Variants in SEC63 observed in about 807,000 individuals in gnomAD.
The protein encoded by SEC63 is SEC63 protein translocation regulator.
SEC63 carries 56 observed loss-of-function variants against 116.2 expected under a neutral mutation model. The ratio of observed to expected loss-of-function variants is 0.48; its 90% CI spans 0.39 to 0.60. SEC63 has a LOEUF of 0.60. Among genes scored for constraint, SEC63 ranks in the 20% least tolerant of loss-of-function variants. SEC63 has a pLI of 0.00. For missense variants in SEC63, 668 were observed against 900.0 expected, an observed-to-expected ratio of 0.74 and a Z score of 3.30; for synonymous variants, 273 against 294.6, an observed-to-expected ratio of 0.93 and a Z score of 0.75.
intron 16 of SEC63, among the ~76,000 whole-genome samples, chr6:107,883,828 AAAGTACTCCTTTGG>A (rs1786467402): frequency 6.6e-6 from 1 of 151,916 alleles, no homozygotes; most frequent in East Asian, 1.9e-4. Context: ...GAAATAAAGA[AAAGTACTCCTTTGG>A]AAGTACAGAA....
At chr6:107,911,782 C>T (rs1485395437) in intron 6 of SEC63, among the ~76,000 whole-genome samples, 4 of 152,200 alleles carry the variant, frequency 2.6e-5, no homozygotes, top group Non-Finnish European at 5.9e-5. Context: ...ATTTCTCTTC[C>T]AGTCAGGCAG....
At chr6:107,954,119 C>G (rs1230620440) in intron 1 of SEC63, among the ~76,000 whole-genome samples, 1 of 152,196 alleles carries the variant, frequency 6.6e-6, no homozygotes, top group Non-Finnish European at 1.5e-5. Flanking sequence ...TTGTTCTGTA[C>G]TAGGAAAAAT....
intron 1 of SEC63, 35 bp from the exon 2 acceptor site, chr6:107,929,549 C>T (rs1272450167): frequency 7.8e-7 from 1 of 1,281,794 alleles, no homozygotes; most frequent in Admixed American, 1.7e-5. Flanking sequence ...AATTAAAAAC[C>T]ATTTTTCACA....
chr6:107,901,164 T>C (rs1786991043), intron 13 of SEC63, among the ~76,000 whole-genome samples: 1 of 152,186 alleles, frequency 6.6e-6, no homozygotes, highest in African/African-American at 2.4e-5. Context: ...ATGAGGATAA[T>C]AAAAGTAGGA....
chr6:107,938,465 A>G (rs112367931), intron 1 of SEC63, among the ~76,000 whole-genome samples: 2,269 of 151,920 alleles, frequency 0.015, 22 homozygotes, highest in Middle Eastern at 0.027. Context: ...GGCTGGTTTC[A>G]AACTCCTGGG....
chr6:107,892,539 A>C (rs548518799), intron 16 of SEC63, among the ~76,000 whole-genome samples: 1 of 152,318 alleles, frequency 6.6e-6, no homozygotes, highest in African/African-American at 2.4e-5. Flanking sequence ...TCGATGAAAG[A>C]TGACCTCACT....
intron 13 of SEC63, 83 bp downstream of exon 13, chr6:107,901,287 T>A: frequency 7.7e-7 from 1 of 1,292,384 alleles, no homozygotes; most frequent in Non-Finnish European, 1.1e-6. Context: ...TTAAGTACAG[T>A]GTTTTGAGAA....
chr6:107,922,839 T>C (rs1245426602), intron 3 of SEC63, among the ~76,000 whole-genome samples: 1 of 152,160 alleles, frequency 6.6e-6, no homozygotes, highest in Non-Finnish European at 1.5e-5. Flanking sequence ...TTGTATTATA[T>C]GAATGTCTGG....
chr6:107,917,215 C>T (rs1787426265), intron 4 of SEC63, among the ~76,000 whole-genome samples: 1 of 152,228 alleles, frequency 6.6e-6, no homozygotes, highest in Non-Finnish European at 1.5e-5. Context: ...CCCATCCCTT[C>T]ATTTCCCATA....
chr6:107,944,865 C>A (rs1006350076), intron 1 of SEC63, among the ~76,000 whole-genome samples: 1 of 151,910 alleles, frequency 6.6e-6, no homozygotes, highest in African/African-American at 2.4e-5. Context: ...TGTACCTGTA[C>A]GGTCAAACAG....
In SEC63 at chr6:107,872,813, A is replaced by G. The variant is rs61733387; in HGVS notation, c.2134T>C (p.Leu712=). ...TGAAGAGTCACTATTCTTACCTTCA[A>G]TGGTTTAATCTGATCCAAACCCATA... ...SYMGLDQIKP[L]KLEVHEAKPV... is the part of the protein sequence containing the mutation. Residue 712 remains leucine, a synonymous_variant, in exon 20 of 21, where the codon TTG becomes CTG. Coordinates refer to ENST00000369002, the MANE Select transcript of SEC63 (RefSeq NM_007214.5). 507 of 1,523,302 alleles carry G rather than the reference A, an allele frequency of 3.3e-4. 3 individuals carry two copies. The African/African-American group carries it at 6.5e-3, about 20-fold the overall frequency. 94.4% of individuals were successfully genotyped at this position (1,523,302 alleles called of 1,614,324 possible).
intron 16 of SEC63, among the ~76,000 whole-genome samples, chr6:107,891,367 T>G (rs1786677258): frequency 6.6e-6 from 1 of 152,084 alleles, no homozygotes; most frequent in Non-Finnish European, 1.5e-5. Flanking sequence ...TGGCTATTGA[T>G]ACTTGTGTAT....
chr6:107,933,864 G>T (rs903771582), intron 1 of SEC63, among the ~76,000 whole-genome samples: 14 of 152,328 alleles, frequency 9.2e-5, no homozygotes, highest in Admixed American at 5.9e-4. Flanking sequence ...GCGATTGCAG[G>T]CGCGCGCCGC....
chr6:107,878,841 G>A (rs914936575), intron 18 of SEC63, among the ~76,000 whole-genome samples: 1 of 151,406 alleles, frequency 6.6e-6, no homozygotes, highest in Non-Finnish European at 1.5e-5. Context: ...GGCAACAAGA[G>A]CAAAATTCCA....
intron 17 of SEC63, 72 bp from the exon 18 acceptor site, chr6:107,881,322 A>G (rs1257779307): frequency 9.9e-6 from 10 of 1,012,364 alleles, no homozygotes; most frequent in Non-Finnish European, 1.5e-5. Flanking sequence ...TCCAGGTATT[A>G]TTCCTGACAA....
intron 18 of SEC63, among the ~76,000 whole-genome samples, chr6:107,877,963 C>T (rs1029636343): frequency 3.9e-5 from 6 of 151,998 alleles, no homozygotes; most frequent in Non-Finnish European, 7.4e-5. Flanking sequence ...CTGCTTAAAC[C>T]GAGGGTTAGG....
In SEC63 at chr6:107,871,253, AAG is replaced by A. The variant is rs1392073560; in HGVS notation, c.*449_*450del. ...CAAAATGTCAACAACAGAGCTTATCAAGAGATTATCAACTTGAGCGATGTTAC... is the reference window on the plus strand; with the variant it reads ...CAAAATGTCAACAACAGAGCTTATCAAGATTATCAACTTGAGCGATGTTAC... On this transcript the variant is annotated 3_prime_UTR_variant, in exon 21 of 21. Coordinates refer to ENST00000369002, the MANE Select transcript of SEC63 (RefSeq NM_007214.5). 2 of 182,636 alleles carry A rather than the reference AAG, an allele frequency of 1.1e-5. No individual in the cohort carries two copies. Among genetic ancestry groups the A allele is most frequent in the African/African-American group, 4.8e-5 (2 of 41,962 alleles). 11.3% of individuals were successfully genotyped at this position (182,636 alleles called of 1,614,324 possible).
intron 16 of SEC63, among the ~76,000 whole-genome samples, chr6:107,892,935 C>T (rs1039589299): frequency 6.6e-6 from 1 of 152,158 alleles, no homozygotes; most frequent in African/African-American, 2.4e-5. Flanking sequence ...CATGCACCTA[C>T]TTTATAATCT....
chr6:107,875,272 T>C (rs564084530), intron 19 of SEC63, among the ~76,000 whole-genome samples: 3 of 152,374 alleles, frequency 2.0e-5, no homozygotes, highest in South Asian at 4.1e-4. Flanking sequence ...CGTGCATGTT[T>C]TGTACATACA....
Sources: allele counts gnomAD v4.1 joint callset (sites outside exome capture counted in the v4.1 genomes callset), GRCh38; gene constraint gnomAD v4.1.1; transcripts MANE v1.5; gene names NCBI Gene and HGNC (gene_info 2026-07-23, HGNC 2026-07-21).